Variants in KCNB2 observed in about 807,000 individuals in gnomAD.
KCNB2 encodes delayed rectifier potassium channel protein.
A neutral mutation model predicts 61.5 loss-of-function variants in KCNB2; 15 were observed. The observed-to-expected ratio is 0.24, with a 90% CI of 0.16 to 0.38. The LOEUF (loss-of-function observed/expected upper bound fraction) is 0.38, where lower values mean the gene tolerates loss of function less well. Ranked by LOEUF, KCNB2 falls within the 10% of genes least tolerant of loss-of-function variation. The pLI is 1.00. For synonymous variants in KCNB2, 457 were observed against 446.0 expected (o/e 1.02, Z -0.31); for missense variants, 828 against 1,125.2 (o/e 0.74, Z 3.78).
chr8:72,561,477 A>G (rs1806510509), intron 1 of KCNB2, among the ~76,000 whole-genome samples: 1 of 151,346 alleles, frequency 6.6e-6, no homozygotes, highest in East Asian at 1.9e-4. Context: ...TGAGGAACAA[A>G]ATGATATTAG....
intron 2 of KCNB2, among the ~76,000 whole-genome samples, chr8:72,865,495 A>G (rs1013359219): frequency 2.0e-5 from 3 of 152,192 alleles, no homozygotes; most frequent in Admixed American, 6.5e-5. Context: ...GAATACATAT[A>G]GCACAGTACT....
intron 2 of KCNB2, among the ~76,000 whole-genome samples, chr8:72,860,881 A>G (rs1810288275): frequency 6.6e-6 from 1 of 152,230 alleles, no homozygotes. Flanking sequence ...CACAGAAAAT[A>G]TTTACAAGTT....
At chr8:72,886,310 C>T (rs369825656) in intron 2 of KCNB2, among the ~76,000 whole-genome samples, 184 of 152,224 alleles carry the variant, frequency 1.2e-3, no homozygotes, top group African/African-American at 4.1e-3. Flanking sequence ...TCTCAAAGCC[C>T]GTATCACATT....
At chr8:72,739,882 A>G (rs1807919057) in intron 2 of KCNB2, among the ~76,000 whole-genome samples, 1 of 152,160 alleles carries the variant, frequency 6.6e-6, no homozygotes, top group South Asian at 2.1e-4. Context: ...TAAACAGAAG[A>G]GAGAAACCAC....
At position 72,567,894 on chromosome 8, in the gene KCNB2, G is replaced by A. The variant is rs539038678; in HGVS notation, c.160G>A (p.Asp54Asn). Reference sequence around the variant, plus strand: ...CCACGAAGTCCTGTGGAGAACGCTGGACAGGCTGCCCAGGACGCGCCTGGG... The same window carrying A: ...CCACGAAGTCCTGTGGAGAACGCTGAACAGGCTGCCCAGGACGCGCCTGGG... The part of the protein sequence containing the change: ...LNHEVLWRTL[D>N]RLPRTRLGKL... Residue 54 changes from aspartate to asparagine, a missense_variant, in exon 2 of 3, where the codon GAC (aspartate) becomes AAC (asparagine). Around this residue, in one of 4 missense-constraint regions of KCNB2, gnomAD observed 163 missense variants for 314.4 expected, o/e 0.52. Coordinates refer to ENST00000523207, the MANE Select transcript of KCNB2 (RefSeq NM_004770.3). 1 of 1,614,070 alleles carries A rather than the reference G, an allele frequency of 6.2e-7. No individual in the cohort carries two copies. The highest frequency in any genetic ancestry group is 1.3e-5 in the African/African-American group (1 of 75,012).
intron 2 of KCNB2, among the ~76,000 whole-genome samples, chr8:72,589,369 A>G (rs1192355253): frequency 6.6e-6 from 1 of 152,222 alleles, no homozygotes; most frequent in African/African-American, 2.4e-5. Context: ...AAGAAAAAAA[A>G]AGAGAAAAGT....
At chr8:72,755,237 G>A (rs1808268846) in intron 2 of KCNB2, among the ~76,000 whole-genome samples, 1 of 152,178 alleles carries the variant, frequency 6.6e-6, no homozygotes, top group Admixed American at 6.5e-5. Context: ...AAGGAGACAT[G>A]ATGACTAAAG....
At chr8:72,805,749 C>T (rs532721344) in intron 2 of KCNB2, among the ~76,000 whole-genome samples, 2 of 152,134 alleles carry the variant, frequency 1.3e-5, no homozygotes, top group African/African-American at 2.4e-5. Flanking sequence ...TGTGACCCTA[C>T]CAACATCATT....
chr8:72,854,759 G>A (rs1257474337), intron 2 of KCNB2, among the ~76,000 whole-genome samples: 1 of 152,072 alleles, frequency 6.6e-6, no homozygotes, highest in Non-Finnish European at 1.5e-5. Context: ...GGGGGAAAGA[G>A]CATTCCAAGC....
chr8:72,658,042 C>T (rs1806319336), intron 2 of KCNB2, among the ~76,000 whole-genome samples: 1 of 152,072 alleles, frequency 6.6e-6, no homozygotes, highest in Admixed American at 6.6e-5. Flanking sequence ...CCTACAATGG[C>T]CTCTAAGTGT....
At chr8:72,744,968 A>G (rs2253197) in intron 2 of KCNB2, among the ~76,000 whole-genome samples, 27,995 of 152,170 alleles carry the variant, frequency 0.18, 3,399 homozygotes, top group African/African-American at 0.34. Flanking sequence ...TGCTGTGGCT[A>G]CTGCCAGCTT....
At chr8:72,858,673 G>A (rs1435388169) in intron 2 of KCNB2, among the ~76,000 whole-genome samples, 1 of 152,210 alleles carries the variant, frequency 6.6e-6, no homozygotes, top group Non-Finnish European at 1.5e-5. Flanking sequence ...ATCTGGAAAT[G>A]AGGAGGGCAA....
At chr8:72,564,348 C>T (rs1280677699) in intron 1 of KCNB2, among the ~76,000 whole-genome samples, 1 of 152,168 alleles carries the variant, frequency 6.6e-6, no homozygotes, top group Non-Finnish European at 1.5e-5. Flanking sequence ...AACCTCTTAT[C>T]TGATATTATA....
intron 2 of KCNB2, among the ~76,000 whole-genome samples, chr8:72,713,085 A>G (rs1234165728): frequency 6.6e-6 from 1 of 152,214 alleles, no homozygotes; most frequent in Non-Finnish European, 1.5e-5. Flanking sequence ...TCTGAGATAA[A>G]GCTGCAAGGC....
Position 72,936,891 on chromosome 8 carries a change from C to T in KCNB2, c.1536C>T (p.Tyr512=). Residue 512 remains tyrosine, a synonymous_variant, in exon 3 of 3, where the codon TAC becomes TAT. Coordinates refer to ENST00000523207, the MANE Select transcript of KCNB2 (RefSeq NM_004770.3). The surrounding 1 kb of genome is among the most constrained non-coding windows in gnomAD (Gnocchi z 5.6). Reference sequence around the variant, plus strand: ...CCAACAAGTCTTTCGAGAATAAGTACCAGGAGGTTAGCCAAAAAGACTCCC... The same window carrying T: ...CCAACAAGTCTTTCGAGAATAAGTATCAGGAGGTTAGCCAAAAAGACTCCC... The part of the protein sequence containing the change: ...TSSNKSFENK[Y]QEVSQKDSHE... 1 of 1,614,068 alleles carries T rather than the reference C, an allele frequency of 6.2e-7. No individual in the cohort carries two copies. Among genetic ancestry groups the T allele is most frequent in the Admixed American group, 1.7e-5 (1 of 59,998 alleles).
chr8:72,936,805 G>A lies in KCNB2; in HGVS notation c.1450G>A (p.Asp484Asn). Residue 484 changes from aspartate to asparagine, a missense_variant, in exon 3 of 3, where the codon GAT becomes AAT. Asp to Asn is a conservative substitution (Grantham distance 23, BLOSUM62 1). Coordinates refer to ENST00000523207, the MANE Select transcript of KCNB2 (RefSeq NM_004770.3). The surrounding 1 kb of genome is among the most constrained non-coding windows in gnomAD (Gnocchi z 5.6). The part of the protein sequence containing the change: ...ESANTKDSAD[D>N]NHLSPSRWKW... ...CGCCAACACAAAGGACTCCGCCGAC[G>A]ATAATCACCTGTCGCCAAGCCGGTG... 1.2e-6 allele frequency: 2 copies of A among 1,614,124 alleles called. No homozygotes were observed. The highest frequency in any genetic ancestry group is 1.7e-6 in the Non-Finnish European group (2 of 1,180,020).
intron 2 of KCNB2, among the ~76,000 whole-genome samples, chr8:72,599,846 AG>A (rs1260903464): frequency 2.6e-5 from 4 of 152,260 alleles, no homozygotes; most frequent in African/African-American, 9.6e-5. Flanking sequence ...ACATGAAAAA[AG>A]GCTCATCATC....
rs11996837 is a variant in KCNB2, at chr8:72,668,275, A to G, written c.579+99962A>G. On this transcript the variant is annotated intron_variant, in intron 2 of 2. Transcript: ENST00000523207. The stretch of plus-strand genomic sequence containing the variant: ...TCAGCCACACAGGCATGAAGCACCC[A>G]TGTAGCTGACCTTAATTCCTCAGTT... Among the ~76,000 whole-genome samples the G allele has an allele frequency of 8.2e-3, 1,251 of 152,314 alleles. 15 individuals carry two copies. The highest frequency in any genetic ancestry group is 0.029 in the African/African-American group (1,199 of 41,560).
intron 2 of KCNB2, among the ~76,000 whole-genome samples, chr8:72,764,786 A>G (rs965110179): frequency 2.0e-5 from 3 of 152,210 alleles, no homozygotes; most frequent in Non-Finnish European, 2.9e-5. Context: ...AAATTTATCA[A>G]GAGAAAATGA....
Sources: allele counts gnomAD v4.1 joint callset (sites outside exome capture counted in the v4.1 genomes callset), GRCh38; gene constraint gnomAD v4.1.1; regional missense constraint gnomAD v4.1.1; non-coding constraint Gnocchi (gnomAD v3.1); transcripts MANE v1.5; gene names NCBI Gene and HGNC (gene_info 2026-07-23, HGNC 2026-07-21).